Variants in GALNT18 observed in about 807,000 individuals in gnomAD.
GALNT18 encodes the protein polypeptide N-acetylgalactosaminyltransferase 18.
GALNT18 carries 44 observed loss-of-function variants against 69.5 expected under a neutral mutation model. The ratio of observed to expected loss-of-function variants is 0.63; its 90% CI spans 0.50 to 0.81. The LOEUF is 0.81. GALNT18 is among the 40% of genes least tolerant of loss of function. The pLI, the probability that GALNT18 is intolerant of heterozygous loss-of-function variation, is 0.00. For missense variants in GALNT18, 715 were observed against 810.0 expected, an observed-to-expected ratio of 0.88 and a Z score of 1.42; for synonymous variants, 364 against 318.2, an observed-to-expected ratio of 1.14 and a Z score of -1.53.
intron 1 of GALNT18, among the ~76,000 whole-genome samples, chr11:11,529,294 G>A (rs1197186243): frequency 6.6e-6 from 1 of 152,206 alleles, no homozygotes. Context: ...CTGACTATAT[G>A]TGGGTGGCCT....
chr11:11,278,639 G>A (rs1204311549), intron 10 of GALNT18, among the ~76,000 whole-genome samples: 3 of 151,882 alleles, frequency 2.0e-5, no homozygotes, highest in Admixed American at 6.6e-5. Flanking sequence ...CTCACATATG[G>A]GAGTTAAAAT....
At position 11,469,667 on chromosome 11, in the gene GALNT18, G is replaced by A. The variant is rs1017294795; in HGVS notation, c.236-20731C>T. Among the ~76,000 whole-genome samples, 9 of 152,174 alleles carry A rather than the reference G, an allele frequency of 5.9e-5. No homozygotes were observed. Among genetic ancestry groups the A allele is most frequent in the South Asian group, 2.1e-4 (1 of 4,824 alleles). On this transcript the variant is annotated intron_variant, in intron 1 of 10. Coordinates refer to ENST00000227756, the MANE Select transcript of GALNT18 (RefSeq NM_198516.3). This position sits in a 1 kb window ranked among gnomAD's most constrained non-coding sequence, Gnocchi z 4.2. ...TGCCCTTGTCAGCTGAGGGTCTCAG[G>A]GCTGGCTACATGGACGGTGTTAAGC...
At position 11,586,410 on chromosome 11, in the gene GALNT18, A is replaced by G. The variant is rs1027799894; in HGVS notation, c.235+34949T>C. Among the ~76,000 whole-genome samples, 19 of 152,306 alleles carry G rather than the reference A, an allele frequency of 1.2e-4. No homozygotes were observed. In the South Asian group the frequency reaches 2.1e-3, roughly 17 times the overall value. ...GGTTTTCAATAATTTTTACAAGCAT[A>G]AAGGAGTCCTAAGACCAAAAAGTTT... On this transcript the variant is annotated intron_variant, in intron 1 of 10. Coordinates refer to ENST00000227756, the MANE Select transcript of GALNT18 (RefSeq NM_198516.3). The surrounding 1 kb of genome is among the most constrained non-coding windows in gnomAD (Gnocchi z 4.1).
intron 3 of GALNT18, among the ~76,000 whole-genome samples, chr11:11,428,044 GTC>G (rs1444020132): frequency 6.6e-6 from 1 of 152,234 alleles, no homozygotes; most frequent in East Asian, 1.9e-4. Context: ...CAGGGACTAG[GTC>G]TGATCCATCA....
intron 1 of GALNT18, among the ~76,000 whole-genome samples, chr11:11,585,133 A>G (rs982898240): frequency 2.0e-5 from 3 of 152,204 alleles, no homozygotes; most frequent in Non-Finnish European, 4.4e-5. Flanking sequence ...TTACAAAATC[A>G]TGCTTGGATA....
At chr11:11,357,433 A>ACAAT (rs1325479137) in intron 6 of GALNT18, among the ~76,000 whole-genome samples, 13 of 152,058 alleles carry the variant, frequency 8.5e-5, no homozygotes, top group African/African-American at 3.1e-4. Flanking sequence ...CTGGTCAAAT[A>ACAAT]CAATCTCTAA....
At chr11:11,569,082 C>T (rs1223751884) in intron 1 of GALNT18, among the ~76,000 whole-genome samples, 1 of 152,288 alleles carries the variant, frequency 6.6e-6, no homozygotes, top group Non-Finnish European at 1.5e-5. Context: ...CACCCACTTC[C>T]TTGCCATTGT....
At chr11:11,516,239 C>T (rs956117999) in intron 1 of GALNT18, among the ~76,000 whole-genome samples, 96 of 152,244 alleles carry the variant, frequency 6.3e-4, no homozygotes, top group African/African-American at 2.2e-3. Context: ...CCTTTAGACA[C>T]CCTGAAAATC....
intron 1 of GALNT18, among the ~76,000 whole-genome samples, chr11:11,572,099 C>T (rs1036870349): frequency 7.2e-5 from 11 of 152,246 alleles, no homozygotes; most frequent in Admixed American, 2.0e-4. Context: ...TTCTCCAGCT[C>T]TCCCTGTGCA....
In GALNT18 at chr11:11,271,120, G is replaced by A. The variant is rs1469929642; in HGVS notation, c.*24C>T. Reference sequence around the variant, plus strand: ...GCAGGTGCTACACAGTAGCAAAGAGGCAGCCGGAAGTGGCCCCGGTGGGTC... The same window carrying A: ...GCAGGTGCTACACAGTAGCAAAGAGACAGCCGGAAGTGGCCCCGGTGGGTC... On this transcript the variant is annotated 3_prime_UTR_variant, in exon 11 of 11. Coordinates refer to ENST00000227756, the MANE Select transcript of GALNT18 (RefSeq NM_198516.3). The A allele has an allele frequency of 2.5e-6, 4 of 1,601,266 alleles. No individual in the cohort carries two copies. Among genetic ancestry groups the A allele is most frequent in the Admixed American group, 3.3e-5 (2 of 59,782 alleles).
In GALNT18 at chr11:11,316,354, C is replaced by T. The variant is rs16909426; in HGVS notation, c.1512+10732G>A. Among the ~76,000 whole-genome samples, 1,360 of 152,214 alleles carry T rather than the reference C, an allele frequency of 8.9e-3. 25 individuals carry two copies. Among genetic ancestry groups the T allele is most frequent in the African/African-American group, 0.031 (1,282 of 41,520 alleles). ...GCTAGACATTTAAATTCTTGGCACA[C>T]AAAGGAAAACTTCTGCAATTGTCTC... is the stretch of plus-strand genomic sequence containing the variant. On this transcript the variant is annotated intron_variant, in intron 9 of 10. Transcript: ENST00000227756.
At position 11,337,899 on chromosome 11, in the gene GALNT18, T is replaced by C. The variant is rs1216594247; in HGVS notation, c.1278+2920A>G. Reference sequence around the variant, plus strand: ...GCAGAGGAGAAAGCATGGGAACTTTTGATGCCATGCCAAACACTGGGCTTT... The same window carrying C: ...GCAGAGGAGAAAGCATGGGAACTTTCGATGCCATGCCAAACACTGGGCTTT... On this transcript the variant is annotated intron_variant, in intron 7 of 10. Coordinates refer to ENST00000227756, the MANE Select transcript of GALNT18 (RefSeq NM_198516.3). The surrounding 1 kb of genome is among the most constrained non-coding windows in gnomAD (Gnocchi z 4.9). Among the ~76,000 whole-genome samples, 4 of 151,832 alleles carry C rather than the reference T, an allele frequency of 2.6e-5. No individual in the cohort carries two copies. The highest frequency in any genetic ancestry group is 9.7e-5 in the African/African-American group (4 of 41,278).
Position 11,430,058 on chromosome 11 carries a change from TGAGCCTGG to T in GALNT18, c.595+2555_595+2562del, listed in dbSNP as rs1049562270. Among the ~76,000 whole-genome samples the T allele has an allele frequency of 1.3e-5, 2 of 152,028 alleles. No homozygotes were observed. Among genetic ancestry groups the T allele is most frequent in the African/African-American group, 4.8e-5 (2 of 41,382 alleles). The stretch of plus-strand genomic sequence containing the variant: ...GGGAGGCTAAGATGGGAGGATTGCT[TGAGCCTGG>T]GAGCCTGGGAGCTGTGATCGTGCCA... On this transcript the variant is annotated intron_variant, in intron 3 of 10. Transcript: ENST00000227756. This position sits in a 1 kb window ranked among gnomAD's most constrained non-coding sequence, Gnocchi z 4.9.
At chr11:11,360,660 T>G (rs1374539406) in intron 6 of GALNT18, among the ~76,000 whole-genome samples, 5 of 152,200 alleles carry the variant, frequency 3.3e-5, no homozygotes, top group Admixed American at 3.3e-4. Context: ...ACAGGGTTTT[T>G]CTTGGTGGTA....
chr11:11,410,779 C>A (rs751052935), intron 3 of GALNT18, among the ~76,000 whole-genome samples: 2 of 152,200 alleles, frequency 1.3e-5, no homozygotes, highest in South Asian at 4.1e-4. Context: ...TGTCTTACTG[C>A]GTCTCCAGAA....
At chr11:11,581,055 T>TTATGTGCTGCATGTGTTTTGTC (rs2133908266) in intron 1 of GALNT18, among the ~76,000 whole-genome samples, 1 of 152,298 alleles carries the variant, frequency 6.6e-6, no homozygotes, top group East Asian at 1.9e-4. Context: ...TAAGGACAAT[T>TTATGTGCTGCATGTGTTTTGTC]TATGTGCTGC....
chr11:11,317,714 T>C (rs1273774867), intron 9 of GALNT18, among the ~76,000 whole-genome samples: 3 of 152,240 alleles, frequency 2.0e-5, no homozygotes, highest in African/African-American at 7.2e-5. Context: ...TAATTCCTTT[T>C]GCTATGCAGA....
Position 11,277,702 on chromosome 11 carries a change from C to G in GALNT18, c.1678-6412G>C, listed in dbSNP as rs185230068. ...TCCCAGAGATTCTGGTATGTTGTGT[C>G]TTTGTTCTCATTGGTTTCAAAGAAC... On this transcript the variant is annotated intron_variant, in intron 10 of 10. Transcript: ENST00000227756. 5.8e-3 allele frequency among the ~76,000 whole-genome samples: 876 copies of G among 152,252 alleles called. 2 individuals are homozygous for G. Among genetic ancestry groups the G allele is most frequent in the Non-Finnish European group, 9.6e-3 (652 of 68,014 alleles).
intron 1 of GALNT18, among the ~76,000 whole-genome samples, chr11:11,457,162 T>C (rs1472565739): frequency 6.6e-6 from 1 of 152,188 alleles, no homozygotes; most frequent in Non-Finnish European, 1.5e-5. Context: ...CACAAAGCAC[T>C]GGCCCCACTG....
Sources: gnomAD v4.1 joint callset for allele counts (sites outside exome capture counted in the v4.1 genomes callset) on GRCh38, gnomAD v4.1.1 for gene constraint, Gnocchi (gnomAD v3.1) non-coding constraint, MANE v1.5 for transcripts, NCBI Gene and HGNC (gene_info 2026-07-23, HGNC 2026-07-21) for gene names.